The following STAC variants were observed in gnomAD, a reference collection of about 807,000 sequenced individuals.
STAC encodes the protein SH3 and cysteine rich domain, also known as SH3 and cysteine-rich domain-containing protein.
A neutral mutation model predicts 48.8 loss-of-function variants in STAC; 43 were observed. That is an observed-to-expected ratio of 0.88 (90% confidence interval 0.69 to 1.14). The LOEUF (loss-of-function observed/expected upper bound fraction) is 1.14. STAC is among the 50% of genes most tolerant of loss of function. The pLI is 0.00. For synonymous variants in STAC, 193 were observed against 179.5 expected (o/e 1.07, Z -0.60); for missense variants, 497 against 504.0 (o/e 0.99, Z 0.13).
At chr3:36,507,847 T>C (rs1373059854) in intron 8 of STAC, among the ~76,000 whole-genome samples, 1 of 152,198 alleles carries the variant, frequency 6.6e-6, no homozygotes, top group Non-Finnish European at 1.5e-5. Context: ...CTATCTATTT[T>C]GTTAATCTTT....
intron 10 of STAC, among the ~76,000 whole-genome samples, chr3:36,529,695 C>T (rs187241193): frequency 6.6e-6 from 1 of 152,324 alleles, no homozygotes; most frequent in East Asian, 1.9e-4. Context: ...AGCATTCTCA[C>T]ACTTTAGCTC....
intron 2 of STAC, among the ~76,000 whole-genome samples, chr3:36,475,002 T>C (rs1403297624): frequency 2.6e-5 from 4 of 152,102 alleles, no homozygotes; most frequent in Admixed American, 6.5e-5. Flanking sequence ...TTCTCGTGTG[T>C]GTGTGTGTGC....
At chr3:36,532,333 T>C (rs919198358) in intron 10 of STAC, among the ~76,000 whole-genome samples, 1 of 152,248 alleles carries the variant, frequency 6.6e-6, no homozygotes, top group Non-Finnish European at 1.5e-5. Flanking sequence ...AAATTGCTTA[T>C]ATGATATGCC....
At chr3:36,487,377 A>G (rs1377047663) in intron 5 of STAC, among the ~76,000 whole-genome samples, 4 of 152,220 alleles carry the variant, frequency 2.6e-5, no homozygotes, top group African/African-American at 9.6e-5. Flanking sequence ...CTTTAAACTC[A>G]CTGAAAGCCC....
At chr3:36,404,368 T>G (rs1046929141) in intron 1 of STAC, among the ~76,000 whole-genome samples, 1 of 152,156 alleles carries the variant, frequency 6.6e-6, no homozygotes, top group African/African-American at 2.4e-5. Flanking sequence ...TCTCTTCCCG[T>G]GTAGTATTGG....
intron 2 of STAC, among the ~76,000 whole-genome samples, chr3:36,456,401 A>G (rs917761707): frequency 6.6e-6 from 1 of 152,204 alleles, no homozygotes; most frequent in East Asian, 1.9e-4. Flanking sequence ...AAAATAGAAA[A>G]AAGACACCTA....
intron 10 of STAC, among the ~76,000 whole-genome samples, chr3:36,538,137 A>G (rs1176567596): frequency 6.6e-6 from 1 of 152,180 alleles, no homozygotes; most frequent in Non-Finnish European, 1.5e-5. Flanking sequence ...TCATATTTTG[A>G]TATCATATCC....
intron 1 of STAC, among the ~76,000 whole-genome samples, chr3:36,432,642 G>A (rs572125988): frequency 6.6e-6 from 1 of 151,982 alleles, no homozygotes; most frequent in South Asian, 2.1e-4. Context: ...GGCGGAGGTT[G>A]CAGTGAGCCA....
At chr3:36,390,195 C>T (rs1239326938) in intron 1 of STAC, among the ~76,000 whole-genome samples, 1 of 152,072 alleles carries the variant, frequency 6.6e-6, no homozygotes, top group Non-Finnish European at 1.5e-5. Context: ...ACTTATACAG[C>T]CTGAGAAAAA....
At chr3:36,450,542 C>G (rs1041726592) in intron 2 of STAC, among the ~76,000 whole-genome samples, 8 of 152,122 alleles carry the variant, frequency 5.3e-5, no homozygotes, top group African/African-American at 1.4e-4. Flanking sequence ...AAAATGGCAT[C>G]CTATCCAGAG....
chr3:36,471,392 C>T (rs1697329549), intron 2 of STAC, among the ~76,000 whole-genome samples: 1 of 152,114 alleles, frequency 6.6e-6, no homozygotes, highest in African/African-American at 2.4e-5. Context: ...ATCATTCCAC[C>T]CCTAACCCCT....
chr3:36,546,044 CTG>C (rs1234740762), intron 10 of STAC, 145 bp from the exon 11 acceptor site: 1 of 626,756 alleles, frequency 1.6e-6, no homozygotes, highest in Non-Finnish European at 2.8e-6. Flanking sequence ...CTTTTTCTCA[CTG>C]TGCTGGTTTC....
intron 5 of STAC, among the ~76,000 whole-genome samples, chr3:36,489,995 C>A (rs945202112): frequency 8.5e-5 from 13 of 152,200 alleles, no homozygotes; most frequent in African/African-American, 3.1e-4. Context: ...TTTGGGGAGC[C>A]GAACGATTTC....
intron 5 of STAC, among the ~76,000 whole-genome samples, chr3:36,489,191 CTGAGTATCTAG>C (rs1697900318): frequency 6.6e-6 from 1 of 152,162 alleles, no homozygotes; most frequent in Non-Finnish European, 1.5e-5. Flanking sequence ...TGAATAAATA[CTGAGTATCTAG>C]TGAGTATCTA....
At chr3:36,394,513 A>C (rs1352174397) in intron 1 of STAC, among the ~76,000 whole-genome samples, 3 of 152,216 alleles carry the variant, frequency 2.0e-5, no homozygotes, top group Non-Finnish European at 4.4e-5. Flanking sequence ...GTGGGACTAC[A>C]GCATAGCAAG....
rs984064362 is a variant in STAC, at chr3:36,542,526, T to C, written c.1111-3665T>C. 3.3e-5 allele frequency among the ~76,000 whole-genome samples: 5 copies of C among 152,204 alleles called. No individual in the cohort carries two copies. In the South Asian group the frequency reaches 1.0e-3, roughly 32 times the overall value. On this transcript the variant is annotated intron_variant, in intron 10 of 10. Transcript: ENST00000273183. ...TCAAAGTGTCCCAGTCTCTTGAGGCTGGAATTTTTCTGATTCTAGTCTTAT... is the reference window on the plus strand; with the variant it reads ...TCAAAGTGTCCCAGTCTCTTGAGGCCGGAATTTTTCTGATTCTAGTCTTAT...
chr3:36,439,241 C>T (rs1448392857), intron 1 of STAC, among the ~76,000 whole-genome samples: 1 of 152,182 alleles, frequency 6.6e-6, no homozygotes, highest in Non-Finnish European at 1.5e-5. Context: ...AAAATTGCAT[C>T]TTCACTGAAT....
intron 8 of STAC, among the ~76,000 whole-genome samples, chr3:36,508,849 A>G (rs191838078): frequency 1.9e-3 from 286 of 152,160 alleles, no homozygotes; most frequent in African/African-American, 6.5e-3. Context: ...AAGCACACCG[A>G]TGGGTCTTGA....
chr3:36,503,701 G>A (rs1698331692), intron 6 of STAC, among the ~76,000 whole-genome samples: 1 of 152,136 alleles, frequency 6.6e-6, no homozygotes, highest in African/African-American at 2.4e-5. Context: ...CCAAACTGCT[G>A]GGATTATAGG....
Sources: allele counts gnomAD v4.1 joint callset (sites outside exome capture counted in the v4.1 genomes callset), GRCh38; gene constraint gnomAD v4.1.1; transcripts MANE v1.5; gene names NCBI Gene and HGNC (gene_info 2026-07-23, HGNC 2026-07-21).